The following SLC4A4 variants were observed in gnomAD, a reference collection of about 807,000 sequenced individuals.
SLC4A4 encodes solute carrier family 4 member 4.
A neutral mutation model predicts 111.5 loss-of-function variants in SLC4A4; 27 were observed. The observed-to-expected ratio is 0.24, with a 90% confidence interval of 0.18 to 0.33. The LOEUF is 0.33. SLC4A4 is among the 10% of genes least tolerant of loss of function. SLC4A4 has a pLI of 1.00. For missense variants in SLC4A4, 909 were observed against 1,315.5 expected, an observed-to-expected ratio of 0.69 and a Z score of 4.78; for synonymous variants, 443 against 463.4, an observed-to-expected ratio of 0.96 and a Z score of 0.57.
chr4:71,469,366 A>C (rs994922892), intron 13 of SLC4A4, among the ~76,000 whole-genome samples: 1 of 151,760 alleles, frequency 6.6e-6, no homozygotes, highest in African/African-American at 2.4e-5. Flanking sequence ...ATATTACCGG[A>C]TGTATTTTTT....
At chr4:71,411,448 C>T (rs1374725837) in intron 7 of SLC4A4, among the ~76,000 whole-genome samples, 1 of 151,976 alleles carries the variant, frequency 6.6e-6, no homozygotes, top group Admixed American at 6.6e-5. Context: ...ATGACACCTA[C>T]CACAACTGTC....
rs965007968 is a variant in SLC4A4 at position 71,362,030 on chromosome 4, G to C, written c.730+4843G>C. ...ATCCCAAAGCTTGCAAAAAATCATT[G>C]AGACCTGACTTTAAGGACCAAAACC... On this transcript the variant is annotated intron_variant, in intron 6 of 25. Coordinates refer to ENST00000264485, the MANE Select transcript of SLC4A4 (RefSeq NM_001098484.3). Among the ~76,000 whole-genome samples, 12 of 152,050 alleles carry C rather than the reference G, an allele frequency of 7.9e-5. 1 individual carries two copies. The highest frequency in any genetic ancestry group is 2.9e-4 in the African/African-American group (12 of 41,478).
intron 1 of SLC4A4, among the ~76,000 whole-genome samples, chr4:71,068,762 T>C (rs1741597282): frequency 6.6e-6 from 1 of 151,978 alleles, no homozygotes; most frequent in South Asian, 2.1e-4. Context: ...CGAGGGGATC[T>C]CACTACGTTG....
At chr4:71,359,965 G>A (rs1231111747) in intron 6 of SLC4A4, among the ~76,000 whole-genome samples, 2 of 152,152 alleles carry the variant, frequency 1.3e-5, no homozygotes, top group African/African-American at 4.8e-5. Flanking sequence ...TTCATTTCAT[G>A]GTAGTGTACT....
chr4:71,203,086 A>G (rs1746331051), intron 1 of SLC4A4, among the ~76,000 whole-genome samples: 1 of 152,114 alleles, frequency 6.6e-6, no homozygotes, highest in Non-Finnish European at 1.5e-5. Context: ...GAATATGGAT[A>G]AAAGATTTGA....
intron 20 of SLC4A4, among the ~76,000 whole-genome samples, chr4:71,550,362 G>A (rs1383548674): frequency 2.0e-5 from 3 of 151,880 alleles, no homozygotes; most frequent in Non-Finnish European, 2.9e-5. Context: ...GGTAAGTTAA[G>A]TGCGTTTATC....
intron 18 of SLC4A4, among the ~76,000 whole-genome samples, chr4:71,536,484 ATATG>A (rs1734491476): frequency 9.4e-6 from 1 of 106,324 alleles, no homozygotes; most frequent in African/African-American, 3.3e-5. Flanking sequence ...ATATATATAT[ATATG>A]TATATATTTA....
intron 9 of SLC4A4, 149 bp from the exon 10 acceptor site, chr4:71,450,240 G>T: frequency 1.5e-6 from 1 of 664,436 alleles, no homozygotes. Flanking sequence ...TATTTTCGGG[G>T]GGCAGGCTGA....
intron 18 of SLC4A4, among the ~76,000 whole-genome samples, chr4:71,544,640 C>T (rs1486312288): frequency 2.0e-5 from 3 of 151,994 alleles, no homozygotes; most frequent in Admixed American, 1.3e-4. Context: ...TTTAGTCTTA[C>T]TATCTTTTCC....
intron 6 of SLC4A4, among the ~76,000 whole-genome samples, chr4:71,369,051 C>T (rs1430282352): frequency 6.6e-6 from 1 of 152,122 alleles, no homozygotes; most frequent in Admixed American, 6.5e-5. Flanking sequence ...AGTGCGCAGC[C>T]CGCTTGAGAA....
chr4:71,176,572 G>A (rs1023596754), intron 2 of SLC4A4, among the ~76,000 whole-genome samples: 1 of 152,144 alleles, frequency 6.6e-6, no homozygotes, highest in Admixed American at 6.5e-5. Context: ...TGGAAGAAAG[G>A]GTATCAGTGA....
intron 2 of SLC4A4, among the ~76,000 whole-genome samples, chr4:71,237,540 C>T (rs1719894806): frequency 6.6e-6 from 1 of 152,108 alleles, no homozygotes; most frequent in South Asian, 2.1e-4. Context: ...TCTGACCTGA[C>T]CGGTGCCATG....
chr4:71,496,318 G>T (rs545703796), intron 15 of SLC4A4, among the ~76,000 whole-genome samples: 3 of 152,118 alleles, frequency 2.0e-5, no homozygotes, highest in South Asian at 2.1e-4. Context: ...TTTGGGGTGC[G>T]TGTGACTTTA....
intron 7 of SLC4A4, among the ~76,000 whole-genome samples, chr4:71,427,640 A>G (rs1723265465): frequency 6.6e-6 from 1 of 151,454 alleles, no homozygotes; most frequent in African/African-American, 2.4e-5. Flanking sequence ...TAAAATATCC[A>G]TAGTAGAGAT....
chr4:71,238,277 C>T (rs1719945456), intron 2 of SLC4A4, among the ~76,000 whole-genome samples: 1 of 152,152 alleles, frequency 6.6e-6, no homozygotes, highest in South Asian at 2.1e-4. Flanking sequence ...ATTGACAGTA[C>T]TCTACTGAAA....
chr4:71,373,743 A>G (rs973585274), intron 6 of SLC4A4, among the ~76,000 whole-genome samples: 4 of 152,224 alleles, frequency 2.6e-5, no homozygotes, highest in African/African-American at 9.6e-5. Flanking sequence ...AGATGATTTC[A>G]GTAGACCAGT....
At chr4:71,433,203 G>A (rs769310575) in intron 7 of SLC4A4, among the ~76,000 whole-genome samples, 1 of 151,240 alleles carries the variant, frequency 6.6e-6, no homozygotes, top group East Asian at 1.9e-4. Context: ...GTATTTCACT[G>A]CAAAAATAAG....
intron 14 of SLC4A4, among the ~76,000 whole-genome samples, chr4:71,485,994 G>T (rs1729363101): frequency 6.6e-6 from 1 of 151,482 alleles, no homozygotes; most frequent in Admixed American, 6.6e-5. Flanking sequence ...GGCAGGACTT[G>T]AAGCATGGCA....
At chr4:71,235,874 T>C (rs1719763550) in intron 1 of SLC4A4, among the ~76,000 whole-genome samples, 2 of 152,300 alleles carry the variant, frequency 1.3e-5, no homozygotes, top group South Asian at 4.1e-4. Context: ...GAGAAAGATG[T>C]GTGATAAGAA....
Sources: allele counts gnomAD v4.1 joint callset (sites outside exome capture counted in the v4.1 genomes callset), GRCh38; gene constraint gnomAD v4.1.1; transcripts MANE v1.5; gene names NCBI Gene and HGNC (gene_info 2026-07-23, HGNC 2026-07-21).